Variants in NRXN3 observed in about 807,000 individuals in gnomAD.
NRXN3 encodes the protein neurexin III.
NRXN3 carries 32 observed loss-of-function variants against 137.6 expected under a neutral mutation model. The ratio of observed to expected loss-of-function variants is 0.23; its 90% CI spans 0.18 to 0.31. NRXN3 has a LOEUF of 0.31. NRXN3 is among the 10% of genes least tolerant of loss of function. The probability of loss-of-function intolerance (pLI) is 1.00; values close to 1 mark genes in which losing one functional copy is unlikely to be tolerated. For synonymous variants in NRXN3, 798 were observed against 784.5 expected, an observed-to-expected ratio of 1.02 and a Z score of -0.29; for missense variants, 1,574 against 2,062.5, an observed-to-expected ratio of 0.76 and a Z score of 4.59.
chr14:79,455,891 CTTAT>C (rs1260081183), intron 15 of NRXN3, among the ~76,000 whole-genome samples: 3 of 151,740 alleles, frequency 2.0e-5, no homozygotes, highest in Non-Finnish European at 4.4e-5. Flanking sequence ...CAAAAACCAT[CTTAT>C]TTATCTTATT....
chr14:79,576,671 A>G (rs1315654586), intron 16 of NRXN3, among the ~76,000 whole-genome samples: 1 of 152,038 alleles, frequency 6.6e-6, no homozygotes, highest in African/African-American at 2.4e-5. Context: ...CTGACCATGG[A>G]TCGGATTCTG....
chr14:78,180,074 C>G (rs968409879), intron 1 of NRXN3, among the ~76,000 whole-genome samples: 2 of 152,074 alleles, frequency 1.3e-5, no homozygotes, highest in African/African-American at 4.8e-5. Context: ...TCTCGAACTC[C>G]TGACCTAAGG....
intron 9 of NRXN3, among the ~76,000 whole-genome samples, chr14:78,806,376 C>T (rs1400384639): frequency 1.3e-5 from 2 of 152,198 alleles, no homozygotes; most frequent in Non-Finnish European, 2.9e-5. Context: ...TATTTTCTTT[C>T]TCTTTGCCGT....
intron 8 of NRXN3, among the ~76,000 whole-genome samples, chr14:78,723,446 C>T (rs934838929): frequency 3.3e-5 from 5 of 152,218 alleles, no homozygotes; most frequent in African/African-American, 7.2e-5. Context: ...AAGCCTTTTG[C>T]TTCTTCCTTT....
intron 15 of NRXN3, among the ~76,000 whole-genome samples, chr14:79,186,700 G>A (rs1391076431): frequency 6.6e-6 from 1 of 152,100 alleles, no homozygotes; most frequent in Non-Finnish European, 1.5e-5. Context: ...GACCTCCCAA[G>A]AAGGGCAGGG....
chr14:78,947,798 T>G (rs543608982), intron 10 of NRXN3, among the ~76,000 whole-genome samples: 2 of 152,146 alleles, frequency 1.3e-5, no homozygotes, highest in African/African-American at 4.8e-5. Context: ...TCATGGACTC[T>G]AGGTGGGTAT....
chr14:79,511,233 A>T (rs1485395520), intron 16 of NRXN3, among the ~76,000 whole-genome samples: 2 of 152,170 alleles, frequency 1.3e-5, no homozygotes, highest in African/African-American at 4.8e-5. Context: ...TGATGTGAAA[A>T]TTATATTCAA....
chr14:78,315,788 G>A (rs2078642336), intron 4 of NRXN3, among the ~76,000 whole-genome samples: 1 of 152,020 alleles, frequency 6.6e-6, no homozygotes, highest in Non-Finnish European at 1.5e-5. Flanking sequence ...GTCTAAAAAG[G>A]GACACTTTTG....
chr14:79,757,916 T>C (rs10140701), intron 19 of NRXN3, among the ~76,000 whole-genome samples: 1 of 152,156 alleles, frequency 6.6e-6, no homozygotes, highest in Admixed American at 6.5e-5. Context: ...ACATTAATTT[T>C]TTTCTGTTGT....
At chr14:79,836,360 G>A (rs2099343655) in intron 20 of NRXN3, among the ~76,000 whole-genome samples, 1 of 152,040 alleles carries the variant, frequency 6.6e-6, no homozygotes, top group Non-Finnish European at 1.5e-5. Context: ...TCAAACTCTT[G>A]CCAACTGACA....
At chr14:78,924,116 G>T (rs1258537040) in intron 10 of NRXN3, among the ~76,000 whole-genome samples, 1 of 152,162 alleles carries the variant, frequency 6.6e-6, no homozygotes, top group Non-Finnish European at 1.5e-5. Flanking sequence ...GGGCGTGGTG[G>T]CACACGCCTA....
intron 4 of NRXN3, among the ~76,000 whole-genome samples, chr14:78,634,879 A>G (rs1173616412): frequency 6.6e-6 from 1 of 152,164 alleles, no homozygotes; most frequent in African/African-American, 2.4e-5. Context: ...GGTCAATTTT[A>G]TCAGCCCCTC....
chr14:78,222,286 G>T (rs999159999), intron 1 of NRXN3, among the ~76,000 whole-genome samples: 24 of 152,088 alleles, frequency 1.6e-4, no homozygotes, highest in African/African-American at 5.8e-4. Flanking sequence ...GCAGCTGCTG[G>T]AGCAGGGAGG....
intron 4 of NRXN3, among the ~76,000 whole-genome samples, chr14:78,419,854 C>A (rs1304047936): frequency 3.9e-5 from 6 of 152,128 alleles, no homozygotes; most frequent in Non-Finnish European, 8.8e-5. Flanking sequence ...ATGATCATGG[C>A]TAACTGACTC....
chr14:79,022,146 G>A (rs1264689635), intron 15 of NRXN3, among the ~76,000 whole-genome samples: 2 of 152,158 alleles, frequency 1.3e-5, no homozygotes, highest in Admixed American at 6.5e-5. Flanking sequence ...CTCAGAATAG[G>A]TCAAGTCCTA....
chr14:79,699,473 C>T (rs1179960843), intron 19 of NRXN3, among the ~76,000 whole-genome samples: 1 of 151,908 alleles, frequency 6.6e-6, no homozygotes, highest in Non-Finnish European at 1.5e-5. Flanking sequence ...CTTTTTAAGG[C>T]CAAATTTTCA....
At chr14:78,321,110 A>C (rs1045682481) in intron 4 of NRXN3, among the ~76,000 whole-genome samples, 4 of 150,356 alleles carry the variant, frequency 2.7e-5, no homozygotes, top group African/African-American at 1.0e-4. Flanking sequence ...GCGAGACTTC[A>C]TTTCAAAAAA....
At chr14:78,354,189 T>C (rs2083941731) in intron 4 of NRXN3, among the ~76,000 whole-genome samples, 1 of 152,194 alleles carries the variant, frequency 6.6e-6, no homozygotes, top group Admixed American at 6.5e-5. Context: ...TCTCTGTATC[T>C]TCAAAAGGTG....
chr14:78,230,401 G>C (rs575961164), intron 1 of NRXN3, among the ~76,000 whole-genome samples: 1 of 151,820 alleles, frequency 6.6e-6, no homozygotes, highest in Admixed American at 6.6e-5. Flanking sequence ...GTTGTTTGTC[G>C]GGAGGACCTG....
Sources: gnomAD v4.1 joint callset for allele counts (sites outside exome capture counted in the v4.1 genomes callset) on GRCh38, gnomAD v4.1.1 for gene constraint, MANE v1.5 for transcripts, NCBI Gene and HGNC (gene_info 2026-07-23, HGNC 2026-07-21) for gene names.